Variants in C1orf198 observed in about 807,000 individuals in gnomAD.
C1orf198 encodes the protein uncharacterized protein C1orf198.
A neutral mutation model predicts 31.4 loss-of-function variants in C1orf198; 17 were observed. That is an observed-to-expected ratio of 0.54 (90% CI 0.37 to 0.81). The LOEUF (loss-of-function observed/expected upper bound fraction) is 0.81. C1orf198 is among the 40% of genes least tolerant of loss of function. The probability of loss-of-function intolerance (pLI) is 0.00; values close to 1 mark genes in which losing one functional copy is unlikely to be tolerated. For synonymous variants in C1orf198, 175 were observed against 193.8 expected, an observed-to-expected ratio of 0.90 and a Z score of 0.81; for missense variants, 401 against 450.3, an observed-to-expected ratio of 0.89 and a Z score of 0.99.
chr1:230,852,285 C>T (rs748202628), intron 2 of C1orf198, among the ~76,000 whole-genome samples: 3 of 151,842 alleles, frequency 2.0e-5, no homozygotes, highest in Non-Finnish European at 4.4e-5. Context: ...CAACTCTGGG[C>T]CTGCAGCATA....
chr1:230,858,604 A>T (rs1572137394), intron 1 of C1orf198, among the ~76,000 whole-genome samples: 1 of 152,224 alleles, frequency 6.6e-6, no homozygotes, highest in Admixed American at 6.5e-5. Context: ...TGCTCCTTCC[A>T]TCCAGAATCA....
Position 230,843,212 on chromosome 1 carries a change from G to A in C1orf198, c.927+142C>T, listed in dbSNP as rs893716247. 1.1e-5 allele frequency: 11 copies of A among 1,010,934 alleles called. No homozygotes were observed. In the Admixed American group the frequency reaches 1.7e-4, roughly 16 times the overall value. 62.6% of individuals were successfully genotyped at this position (1,010,934 alleles called of 1,614,324 possible). A position where few individuals can be genotyped will look rare whatever the true frequency, so the allele number is the denominator to read the frequency against. ...TGGTGGCTCAGCACCCTGAGCCTAG[G>A]CATCCTCTGAGGAAGAGGCAGGGGA... is the stretch of plus-strand genomic sequence containing the variant. On this transcript the variant is annotated intron_variant, in intron 3 of 3. Coordinates refer to ENST00000366663, the MANE Select transcript of C1orf198 (RefSeq NM_032800.3). The surrounding 1 kb of genome is among the most constrained non-coding windows in gnomAD (Gnocchi z 4.9).
chr1:230,852,882 C>G (rs1032923601), intron 2 of C1orf198, among the ~76,000 whole-genome samples: 1 of 152,196 alleles, frequency 6.6e-6, no homozygotes. Flanking sequence ...TCTGGCCCAG[C>G]TTGTGCCTTG....
At chr1:230,855,527 T>C in intron 2 of C1orf198, 141 bp downstream of exon 2, 1 of 879,196 alleles carries the variant, frequency 1.1e-6, no homozygotes, top group Non-Finnish European at 1.7e-6. Context: ...ATCCCCTCCT[T>C]TTCTACCAAC....
At chr1:230,862,783 T>A (rs773551044) in intron 1 of C1orf198, among the ~76,000 whole-genome samples, 3 of 152,212 alleles carry the variant, frequency 2.0e-5, no homozygotes, top group Non-Finnish European at 4.4e-5. Context: ...ATTATAGTGA[T>A]GGGTACATGT....
chr1:230,866,596 T>C (rs1670124471), intron 1 of C1orf198, among the ~76,000 whole-genome samples: 3 of 152,298 alleles, frequency 2.0e-5, no homozygotes, highest in Middle Eastern at 3.4e-3. Flanking sequence ...TCATCATGAG[T>C]AGGCGTGTAG....
rs774489801 is a variant in C1orf198, at chr1:230,868,218, C to T, written c.295G>A (p.Gly99Arg). 32 of 1,537,516 alleles carry T rather than the reference C, an allele frequency of 2.1e-5. No individual in the cohort carries two copies. The Admixed American group carries it at 3.2e-4, about 15-fold the overall frequency. Residue 99 changes from glycine (G) to arginine (R), a missense_variant, in exon 1 of 4, where the codon GGG becomes AGG. Coordinates refer to ENST00000366663, the MANE Select transcript of C1orf198 (RefSeq NM_032800.3). ...CGCACCACCTTCTGGCCCGTGGGCC[C>T]GCGCAAGCCGGGGAAGCGCGTGAGC... ...EELTRFPGLRGPTGQKVVRFG... is the reference protein window; with the variant it reads ...EELTRFPGLRRPTGQKVVRFG...
At chr1:230,856,054 CTGAACAA>C in intron 1 of C1orf198, 3 of 1,001,066 alleles carry the variant, frequency 3.0e-6, no homozygotes, top group Non-Finnish European at 3.7e-6. Flanking sequence ...AGACTCAGCC[CTGAACAA>C]TGATTAGCTG....
intron 2 of C1orf198, among the ~76,000 whole-genome samples, chr1:230,849,115 G>A (rs1268243398): frequency 2.6e-5 from 4 of 152,152 alleles, no homozygotes; most frequent in Non-Finnish European, 4.4e-5. Context: ...TTTTTGCTTC[G>A]GTGACTCCAC....
At chr1:230,859,859 C>A (rs1055962568) in intron 1 of C1orf198, among the ~76,000 whole-genome samples, 46 of 152,194 alleles carry the variant, frequency 3.0e-4, no homozygotes, top group African/African-American at 1.1e-3. Context: ...ATATTTTTTG[C>A]TCATAGTGCT....
chr1:230,866,014 A>T (rs1558143850), intron 1 of C1orf198, among the ~76,000 whole-genome samples: 1 of 152,034 alleles, frequency 6.6e-6, no homozygotes, highest in Admixed American at 6.5e-5. Context: ...ATTGGGCCCC[A>T]CTCTATCTAG....
upstream of C1orf198, chr1:230,869,215 C>T (rs983328238): frequency 2.0e-5 from 3 of 152,446 alleles, no homozygotes; most frequent in South Asian, 4.1e-4. Context: ...CGCCGCCCCT[C>T]GGGGCCAGGT....
chr1:230,839,742 T>A lies in C1orf198; in HGVS notation c.*110A>T. The A allele has an allele frequency of 7.5e-6, 7 of 929,210 alleles. No homozygotes were observed. Among genetic ancestry groups the A allele is most frequent in the Non-Finnish European group, 1.1e-5 (7 of 624,174 alleles). 57.6% of individuals were successfully genotyped at this position (929,210 alleles called of 1,614,324 possible). A position where few individuals can be genotyped will look rare whatever the true frequency, so the allele number is the denominator to read the frequency against. On this transcript the variant is annotated 3_prime_UTR_variant, in exon 4 of 4. Transcript: ENST00000366663. The stretch of plus-strand genomic sequence containing the variant: ...AGTTTCCAAATGATTAAGAAAAGAG[T>A]GTCAAGAAACCAGTAAAATACATAG...
At chr1:230,852,742 T>C (rs1208922644) in intron 2 of C1orf198, among the ~76,000 whole-genome samples, 1 of 152,090 alleles carries the variant, frequency 6.6e-6, no homozygotes, top group Non-Finnish European at 1.5e-5. Flanking sequence ...AGTGATTAAT[T>C]AAAAATGGAA....
intron 3 of C1orf198, among the ~76,000 whole-genome samples, chr1:230,841,640 G>A (rs2102971008): frequency 6.6e-6 from 1 of 152,298 alleles, no homozygotes; most frequent in South Asian, 2.1e-4. Context: ...AAAATAACAA[G>A]TGTTGCAAGG....
intron 1 of C1orf198, among the ~76,000 whole-genome samples, chr1:230,861,395 GC>G (rs536684356): frequency 3.3e-5 from 5 of 151,496 alleles, no homozygotes; most frequent in Middle Eastern, 3.2e-3. Flanking sequence ...TTTAAAGTGT[GC>G]CCCCCCCAAA....
chr1:230,844,857 C>A (rs1470642812), intron 2 of C1orf198, among the ~76,000 whole-genome samples: 1 of 152,212 alleles, frequency 6.6e-6, no homozygotes, highest in African/African-American at 2.4e-5. Flanking sequence ...CTGGATGCTG[C>A]TAACCACAGT....
intron 3 of C1orf198, among the ~76,000 whole-genome samples, chr1:230,841,645 G>T (rs1403622534): frequency 6.6e-6 from 1 of 152,224 alleles, no homozygotes. Flanking sequence ...AACAAGTGTT[G>T]CAAGGGAGTG....
At chr1:230,860,338 T>C (rs959729621) in intron 1 of C1orf198, among the ~76,000 whole-genome samples, 1 of 152,192 alleles carries the variant, frequency 6.6e-6, no homozygotes, top group African/African-American at 2.4e-5. Flanking sequence ...TACCATTTGT[T>C]CTAGCAATTT....
Sources: allele counts gnomAD v4.1 joint callset (sites outside exome capture counted in the v4.1 genomes callset), GRCh38; gene constraint gnomAD v4.1.1; non-coding constraint Gnocchi (gnomAD v3.1); transcripts MANE v1.5; gene names NCBI Gene and HGNC (gene_info 2026-07-23, HGNC 2026-07-21).